Variants in FAM120B observed in about 807,000 individuals in gnomAD.
The protein encoded by FAM120B is constitutive coactivator of peroxisome proliferator-activated receptor gamma.
A neutral mutation model predicts 96.3 loss-of-function variants in FAM120B; 83 were observed. That is an observed-to-expected ratio of 0.86 (90% confidence interval 0.72 to 1.03). The LOEUF (loss-of-function observed/expected upper bound fraction) is 1.03. FAM120B is among the 50% of genes least tolerant of loss of function. The probability of loss-of-function intolerance (pLI) is 0.00; values close to 1 mark genes in which losing one functional copy is unlikely to be tolerated. For missense variants in FAM120B, 1,027 were observed against 1,121.2 expected (o/e 0.92, Z 1.20); for synonymous variants, 407 against 402.7 (o/e 1.01, Z -0.13).
intron 3 of FAM120B, among the ~76,000 whole-genome samples, chr6:170,325,959 C>G (rs1449421856): frequency 6.6e-6 from 1 of 151,858 alleles, no homozygotes; most frequent in Admixed American, 6.6e-5. Flanking sequence ...CATTTACTAT[C>G]AAATAATATA....
intron 4 of FAM120B, among the ~76,000 whole-genome samples, chr6:170,333,197 C>T (rs1047989765): frequency 1.4e-5 from 2 of 138,070 alleles, no homozygotes; most frequent in African/African-American, 5.3e-5. Context: ...TATTGAAAAC[C>T]TAATCACTAA....
rs116353002 is a variant in FAM120B, at chr6:170,325,972, A to G, written c.1915+2713A>G. 4.4e-3 allele frequency among the ~76,000 whole-genome samples: 665 copies of G among 152,194 alleles called. 3 individuals carry two copies. The highest frequency in any genetic ancestry group is 0.015 in the African/African-American group (636 of 41,526). ...ACCATTTACTATCAAATAATATACT[A>G]TGTTACTAGCAATGTAAAAACCTTG... is the stretch of plus-strand genomic sequence containing the variant. On this transcript the variant is annotated intron_variant, in intron 3 of 10. Transcript: ENST00000476287.
chr6:170,361,242 A>ATATATATATATATATATACGTG (rs1374958889), intron 6 of FAM120B, among the ~76,000 whole-genome samples: 25 of 130,030 alleles, frequency 1.9e-4, no homozygotes, highest in African/African-American at 8.1e-4. Context: ...ATATACACGT[A>ATATATATATATATATATACGTG]TATATATATA....
intron 2 of FAM120B, among the ~76,000 whole-genome samples, chr6:170,321,590 G>GCC (rs1310432301): frequency 1.2e-4 from 18 of 152,246 alleles, no homozygotes; most frequent in African/African-American, 4.1e-4. Context: ...TGTTGCCCAG[G>GCC]CTGGCCTTGA....
rs191290742 is a variant in FAM120B, at chr6:170,353,444, C to G, written c.2191-4782C>G. 1.4e-3 allele frequency among the ~76,000 whole-genome samples: 206 copies of G among 152,182 alleles called. 1 individual carries two copies. The highest frequency in any genetic ancestry group is 4.6e-3 in the African/African-American group (193 of 41,516). Reference sequence around the variant, plus strand: ...ATACCAAAACCTGGTAGACATAGAACAAAGAAAGAAAACTTCAGGCCAATA... The same window carrying G: ...ATACCAAAACCTGGTAGACATAGAAGAAAGAAAGAAAACTTCAGGCCAATA... On this transcript the variant is annotated intron_variant, in intron 5 of 10. Coordinates refer to ENST00000476287, the MANE Select transcript of FAM120B (RefSeq NM_032448.3).
chr6:170,368,278 A>G (rs1788928501), intron 6 of FAM120B, among the ~76,000 whole-genome samples: 1 of 152,032 alleles, frequency 6.6e-6, no homozygotes, highest in Non-Finnish European at 1.5e-5. Flanking sequence ...TCCACCATGC[A>G]CTCCCTTTAC....
intron 9 of FAM120B, among the ~76,000 whole-genome samples, chr6:170,400,616 AG>A (rs1778520265): frequency 6.6e-6 from 1 of 152,196 alleles, no homozygotes; most frequent in Non-Finnish European, 1.5e-5. Flanking sequence ...GCACCTCCAC[AG>A]CACCAGCATC....
intron 9 of FAM120B, among the ~76,000 whole-genome samples, chr6:170,398,545 T>G (rs1778337244): frequency 2.2e-5 from 3 of 134,056 alleles, no homozygotes; most frequent in Non-Finnish European, 3.1e-5. Flanking sequence ...CTCTTAGGAG[T>G]GAGTGAGAAA....
chr6:170,300,136 G>C (rs995036401), intron 1 of FAM120B, among the ~76,000 whole-genome samples: 2 of 152,198 alleles, frequency 1.3e-5, no homozygotes, highest in African/African-American at 4.8e-5. Flanking sequence ...ACTTGAGACT[G>C]GGTAATTTAT....
intron 7 of FAM120B, among the ~76,000 whole-genome samples, chr6:170,388,868 A>ACCAGAAG (rs1381741836): frequency 6.6e-6 from 1 of 152,220 alleles, no homozygotes; most frequent in Non-Finnish European, 1.5e-5. Flanking sequence ...CCTACTGTTG[A>ACCAGAAG]CCAGAAGCCT....
At chr6:170,356,359 G>T (rs1787952773) in intron 5 of FAM120B, among the ~76,000 whole-genome samples, 1 of 152,122 alleles carries the variant, frequency 6.6e-6, no homozygotes, top group South Asian at 2.1e-4. Context: ...AGATGAAGAA[G>T]GTGCTGTATT....
At chr6:170,339,687 G>C (rs1041278084) in intron 4 of FAM120B, among the ~76,000 whole-genome samples, 4 of 151,310 alleles carry the variant, frequency 2.6e-5, no homozygotes, top group Non-Finnish European at 5.9e-5. Flanking sequence ...GCTGAGGCAG[G>C]AGAATCACTT....
chr6:170,354,656 G>C (rs1787783578), intron 5 of FAM120B, among the ~76,000 whole-genome samples: 1 of 152,176 alleles, frequency 6.6e-6, no homozygotes, highest in Non-Finnish European at 1.5e-5. Context: ...GGGCGCGGTG[G>C]CTGATGCCTG....
intron 5 of FAM120B, among the ~76,000 whole-genome samples, chr6:170,349,893 C>T (rs1185152256): frequency 1.3e-5 from 2 of 152,112 alleles, no homozygotes; most frequent in African/African-American, 4.8e-5. Context: ...GGCAGTGCCC[C>T]ACCTGGGAAC....
At chr6:170,350,540 A>C (rs910136199) in intron 5 of FAM120B, among the ~76,000 whole-genome samples, 1 of 152,238 alleles carries the variant, frequency 6.6e-6, no homozygotes, top group Non-Finnish European at 1.5e-5. Flanking sequence ...GGTGTGGGCC[A>C]GCAACAGGTC....
Position 170,318,249 on chromosome 6 carries a change from A to C in FAM120B, c.859A>C (p.Ile287Leu). 6.2e-7 allele frequency: 1 copy of C among 1,613,990 alleles called. No homozygotes were observed. The highest frequency in any genetic ancestry group is 1.1e-5 in the South Asian group (1 of 91,050). ...LYQGEKKLEE[I>L]LPLGPNKALF... ...TCAAGGTGAGAAAAAATTAGAAGAGATATTACCTCTGGGACCAAACAAAGC... is the reference window on the plus strand; with the variant it reads ...TCAAGGTGAGAAAAAATTAGAAGAGCTATTACCTCTGGGACCAAACAAAGC... The change falls in exon 2 of 11, where the codon ATA (isoleucine) becomes CTA (leucine). Residue 287 changes from isoleucine to leucine, a missense_variant. By Grantham distance (5) the Ile-to-Leu change is conservative (BLOSUM62 2). Transcript: ENST00000476287.
At chr6:170,338,302 C>A (rs769158985) in intron 4 of FAM120B, among the ~76,000 whole-genome samples, 2 of 152,184 alleles carry the variant, frequency 1.3e-5, no homozygotes, top group Non-Finnish European at 2.9e-5. Context: ...AGTAGTCATT[C>A]AGGAGCAGGC....
intron 1 of FAM120B, among the ~76,000 whole-genome samples, chr6:170,312,047 C>T (rs926587693): frequency 6.6e-6 from 1 of 152,164 alleles, no homozygotes; most frequent in Non-Finnish European, 1.5e-5. Flanking sequence ...CCACGTTGTA[C>T]ATCTGTTATA....
chr6:170,307,517 G>C (rs1443970614), intron 1 of FAM120B, among the ~76,000 whole-genome samples: 1 of 152,206 alleles, frequency 6.6e-6, no homozygotes, highest in Non-Finnish European at 1.5e-5. Context: ...TTTTAAGTAG[G>C]AGTTGGGAGA....
Sources: gnomAD v4.1 joint callset for allele counts (sites outside exome capture counted in the v4.1 genomes callset) on GRCh38, gnomAD v4.1.1 for gene constraint, MANE v1.5 for transcripts, NCBI Gene and HGNC (gene_info 2026-07-23, HGNC 2026-07-21) for gene names.